The following SORCS1 variants were observed in gnomAD, a reference collection of about 807,000 sequenced individuals.
SORCS1 encodes the protein sortilin related VPS10 domain containing receptor 1.
A neutral mutation model predicts 146.1 loss-of-function variants in SORCS1; 60 were observed. That is an observed-to-expected ratio of 0.41 (90% confidence interval 0.33 to 0.51). SORCS1 has a LOEUF of 0.51. SORCS1 is among the 20% of genes least tolerant of loss of function. The probability of loss-of-function intolerance (pLI) is 0.21; values close to 1 mark genes in which losing one functional copy is unlikely to be tolerated. For synonymous variants in SORCS1, 637 were observed against 584.0 expected, an observed-to-expected ratio of 1.09 and a Z score of -1.31; for missense variants, 1,352 against 1,487.6, an observed-to-expected ratio of 0.91 and a Z score of 1.50.
At chr10:106,755,342 A>T (rs929541610) in intron 5 of SORCS1, among the ~76,000 whole-genome samples, 1 of 152,236 alleles carries the variant, frequency 6.6e-6, no homozygotes, top group African/African-American at 2.4e-5. Context: ...ATTATGTGTT[A>T]TGTTGGATAA....
intron 4 of SORCS1, among the ~76,000 whole-genome samples, chr10:106,763,123 A>G (rs1254031719): frequency 6.6e-6 from 1 of 152,210 alleles, no homozygotes; most frequent in Non-Finnish European, 1.5e-5. Context: ...ATGCAAATGT[A>G]AAAGTATCAG....
intron 2 of SORCS1, among the ~76,000 whole-genome samples, chr10:106,831,579 C>T (rs1948546790): frequency 1.3e-5 from 2 of 152,138 alleles, no homozygotes; most frequent in East Asian, 1.9e-4. Context: ...TAGGCCATAA[C>T]GACTAAGCAG....
chr10:106,744,423 A>C (rs895628471), intron 5 of SORCS1, among the ~76,000 whole-genome samples: 1 of 152,064 alleles, frequency 6.6e-6, no homozygotes, highest in African/African-American at 2.4e-5. Context: ...ACTTTTAGAC[A>C]TGATGCTGCA....
chr10:106,763,611 G>T (rs1029238596), intron 4 of SORCS1, among the ~76,000 whole-genome samples: 2 of 152,182 alleles, frequency 1.3e-5, no homozygotes, highest in African/African-American at 4.8e-5. Context: ...GGCAGAAGTG[G>T]CTTCAAGACT....
At chr10:106,962,981 G>A (rs555601987) in intron 1 of SORCS1, among the ~76,000 whole-genome samples, 3 of 152,088 alleles carry the variant, frequency 2.0e-5, no homozygotes, top group Non-Finnish European at 2.9e-5. Context: ...TTGTTTAGAC[G>A]TATTTACAGA....
intron 21 of SORCS1, among the ~76,000 whole-genome samples, chr10:106,616,039 CAA>C (rs1040758860): frequency 6.6e-6 from 1 of 152,142 alleles, no homozygotes; most frequent in African/African-American, 2.4e-5. Context: ...CAGTGGCTAG[CAA>C]AGTCTTCATC....
At chr10:106,894,242 TGTGTGTGTGTGCGCGCGCGCACGTGTGC>T (rs1385016301) in intron 2 of SORCS1, among the ~76,000 whole-genome samples, 3 of 148,658 alleles carry the variant, frequency 2.0e-5, no homozygotes, top group South Asian at 2.2e-4. Flanking sequence ...TGTGCATGTG[TGTGTGTGTGTGCGCGCGCGCACGTGTGC>T]GTGTGTGTGT....
At chr10:106,995,540 C>A (rs997180738) in intron 1 of SORCS1, among the ~76,000 whole-genome samples, 1 of 152,078 alleles carries the variant, frequency 6.6e-6, no homozygotes, top group African/African-American at 2.4e-5. Context: ...GGGAAAAAAA[C>A]GTCCTGCGTG....
At position 106,625,674 on chromosome 10, in the gene SORCS1, G is replaced by A. The variant is rs116884864; in HGVS notation, c.2662+3528C>T. 2.5e-3 allele frequency among the ~76,000 whole-genome samples: 383 copies of A among 152,292 alleles called. 1 individual carries two copies. Among genetic ancestry groups the A allele is most frequent in the Non-Finnish European group, 2.9e-3 (196 of 68,018 alleles). On this transcript the variant is annotated intron_variant, in intron 19 of 25. Coordinates refer to ENST00000263054, the MANE Select transcript of SORCS1 (RefSeq NM_052918.5). ...TACACAGATCATTTTACTCTAAGAT[G>A]GGGCCAGAAAGTCATCTGCACATGG...
intron 6 of SORCS1, among the ~76,000 whole-genome samples, chr10:106,717,931 T>C (rs1855495440): frequency 6.6e-6 from 1 of 152,248 alleles, no homozygotes; most frequent in Non-Finnish European, 1.5e-5. Context: ...TTTCACTTTG[T>C]ATCACACAGA....
intron 2 of SORCS1, among the ~76,000 whole-genome samples, chr10:106,897,448 T>C (rs1951533474): frequency 6.6e-6 from 1 of 152,098 alleles, no homozygotes; most frequent in African/African-American, 2.4e-5. Context: ...CCTTAATGTG[T>C]GTCCTACATT....
intron 1 of SORCS1, among the ~76,000 whole-genome samples, chr10:107,133,006 C>A (rs1407561007): frequency 6.6e-6 from 1 of 152,302 alleles, no homozygotes; most frequent in Non-Finnish European, 1.5e-5. Flanking sequence ...AGGGAACTTT[C>A]CTTACACCCG....
chr10:106,826,025 C>G (rs1011280835), intron 3 of SORCS1, among the ~76,000 whole-genome samples: 3 of 152,132 alleles, frequency 2.0e-5, no homozygotes, highest in Non-Finnish European at 4.4e-5. Flanking sequence ...GGGAAACAGT[C>G]GATGGATGAT....
chr10:106,911,576 T>C (rs1347926170), intron 2 of SORCS1, among the ~76,000 whole-genome samples: 1 of 152,076 alleles, frequency 6.6e-6, no homozygotes, highest in Non-Finnish European at 1.5e-5. Flanking sequence ...ACAGGCGATG[T>C]CACTGACCCC....
At chr10:107,084,742 C>T (rs995811809) in intron 1 of SORCS1, among the ~76,000 whole-genome samples, 11 of 152,130 alleles carry the variant, frequency 7.2e-5, no homozygotes, top group Non-Finnish European at 1.5e-4. Context: ...TCTTAACTAA[C>T]TTCCTGACCC....
chr10:107,110,221 T>G (rs936962810), intron 1 of SORCS1, among the ~76,000 whole-genome samples: 2 of 152,168 alleles, frequency 1.3e-5, no homozygotes, highest in Non-Finnish European at 2.9e-5. Context: ...AGTTTCAAAG[T>G]TGCTTCTAGA....
At chr10:107,089,595 A>C (rs186350167) in intron 1 of SORCS1, among the ~76,000 whole-genome samples, 213 of 152,332 alleles carry the variant, frequency 1.4e-3, no homozygotes, top group South Asian at 0.011. Flanking sequence ...AACCTTGAAC[A>C]GGGGACTCAA....
At chr10:106,746,159 A>AT (rs1437289093) in intron 5 of SORCS1, among the ~76,000 whole-genome samples, 1 of 152,162 alleles carries the variant, frequency 6.6e-6, no homozygotes, top group Non-Finnish European at 1.5e-5. Flanking sequence ...GAAAAAAAAA[A>AT]GCGGGGGATA....
chr10:106,600,412 A>G, intron 23 of SORCS1: 1 of 981,068 alleles, frequency 1.0e-6, no homozygotes, highest in Non-Finnish European at 1.2e-6. Flanking sequence ...AAATTTGCAT[A>G]AGAAAACAAA....
Sources: gnomAD v4.1 joint callset for allele counts (sites outside exome capture counted in the v4.1 genomes callset) on GRCh38, gnomAD v4.1.1 for gene constraint, MANE v1.5 for transcripts, NCBI Gene and HGNC (gene_info 2026-07-23, HGNC 2026-07-21) for gene names.